The following MAF variants were observed in gnomAD, a reference collection of about 807,000 sequenced individuals.
MAF encodes the protein transcription factor Maf.
MAF carries 10 observed loss-of-function variants against 22.0 expected under a neutral mutation model. That is an observed-to-expected ratio of 0.45 (90% CI 0.28 to 0.77). The LOEUF is 0.77. Among genes scored for constraint, MAF ranks in the 30% least tolerant of loss-of-function variants. The probability of loss-of-function intolerance (pLI) is 0.12; values close to 1 mark genes in which losing one functional copy is unlikely to be tolerated. For synonymous variants in MAF, 337 were observed against 255.8 expected (o/e 1.32, Z -3.03); for missense variants, 544 against 548.4 (o/e 0.99, Z 0.08).
the MAF span, among the ~76,000 whole-genome samples, chr16:79,355,436 T>C: frequency 2.0e-5 from 3 of 152,166 alleles, no homozygotes; most frequent in Admixed American, 6.5e-5. Context: ...GAGAAGTGGC[T>C]CTGAGGTCCT....
chr16:79,558,249 G>A, the MAF span, among the ~76,000 whole-genome samples: 3 of 152,006 alleles, frequency 2.0e-5, no homozygotes, highest in Admixed American at 1.3e-4. Context: ...CTTGAGCTAT[G>A]CCATGTTGAA....
the MAF span, among the ~76,000 whole-genome samples, chr16:79,525,616 A>G: frequency 6.6e-6 from 1 of 152,190 alleles, no homozygotes; most frequent in Admixed American, 6.5e-5. Context: ...TACGCTGCGT[A>G]CTTTTTATTG....
the MAF span, among the ~76,000 whole-genome samples, chr16:79,263,719 C>T: frequency 1.3e-5 from 2 of 148,642 alleles, no homozygotes; most frequent in Admixed American, 1.3e-4. Context: ...CCTTACTTTC[C>T]CTGGTAATTA....
chr16:79,243,280 TA>T, the MAF span, among the ~76,000 whole-genome samples: 1 of 151,336 alleles, frequency 6.6e-6, no homozygotes, highest in African/African-American at 2.4e-5. Flanking sequence ...TTTTCTTTTT[TA>T]TTTTTTTATT....
chr16:79,294,230 A>ACTTCCC, the MAF span, among the ~76,000 whole-genome samples: 6 of 152,206 alleles, frequency 3.9e-5, no homozygotes, highest in African/African-American at 1.4e-4. Context: ...CCTTCCCATG[A>ACTTCCC]ACTTTTCTTG....
the MAF span, among the ~76,000 whole-genome samples, chr16:79,493,171 TTTTG>T: frequency 3.7e-3 from 556 of 152,024 alleles, 5 homozygotes; most frequent in African/African-American, 0.011. Context: ...TTGTTTTGTT[TTTTG>T]TTTGTTTTTT....
chr16:79,234,767 C>T, the MAF span, among the ~76,000 whole-genome samples: 2 of 152,110 alleles, frequency 1.3e-5, no homozygotes, highest in Non-Finnish European at 2.9e-5. Flanking sequence ...TGGGGAGTGG[C>T]TCCCCTAAGC....
chr16:79,313,217 G>A, the MAF span, among the ~76,000 whole-genome samples: 2 of 152,032 alleles, frequency 1.3e-5, no homozygotes, highest in Admixed American at 6.5e-5. Flanking sequence ...GTAAATGAAC[G>A]CTAACAAAAA....
At chr16:79,273,305 A>T in the MAF span, among the ~76,000 whole-genome samples, 1 of 152,298 alleles carries the variant, frequency 6.6e-6, no homozygotes, top group African/African-American at 2.4e-5. Flanking sequence ...GCAGGGAAAG[A>T]GAAGTTCCAT....
chr16:79,484,727 G>A, the MAF span, among the ~76,000 whole-genome samples: 17 of 152,228 alleles, frequency 1.1e-4, no homozygotes, highest in Non-Finnish European at 2.5e-4. Context: ...GCCTGCTGGT[G>A]ATGATACTCC....
the MAF span, among the ~76,000 whole-genome samples, chr16:79,252,298 T>C: frequency 6.6e-6 from 1 of 151,018 alleles, no homozygotes; most frequent in Non-Finnish European, 1.5e-5. Context: ...TATTTATTTA[T>C]AAATAAACTT....
the MAF span, among the ~76,000 whole-genome samples, chr16:79,471,288 T>C: frequency 0.88 from 134,357 of 152,272 alleles, 59,341 homozygotes; most frequent in East Asian, 0.97. Context: ...TAAGCAGTCA[T>C]GAAGAGCACG....
chr16:79,356,015 C>T, the MAF span, among the ~76,000 whole-genome samples: 1 of 152,134 alleles, frequency 6.6e-6, no homozygotes, highest in Non-Finnish European at 1.5e-5. Context: ...AGAGCCTCCT[C>T]TTCCTACACA....
intron 1 of MAF, 44 bp from the exon 2 acceptor site, chr16:79,594,597 A>G (rs1015617438): frequency 4.9e-5 from 76 of 1,551,202 alleles, no homozygotes; most frequent in Non-Finnish European, 5.8e-5. Context: ...TTAGACAAAG[A>G]TCAAACGCAG....
At chr16:79,247,983 T>C in the MAF span, among the ~76,000 whole-genome samples, 1 of 150,614 alleles carries the variant, frequency 6.6e-6, no homozygotes, top group Non-Finnish European at 1.5e-5. Flanking sequence ...TACTTCTTAC[T>C]TTACCCACCC....
At chr16:79,459,951 G>A in the MAF span, among the ~76,000 whole-genome samples, 1 of 152,126 alleles carries the variant, frequency 6.6e-6, no homozygotes, top group Non-Finnish European at 1.5e-5. Flanking sequence ...TTAAAATCAA[G>A]GAAGCGTATT....
chr16:79,442,352 C>G, the MAF span, among the ~76,000 whole-genome samples: 1 of 151,724 alleles, frequency 6.6e-6, no homozygotes, highest in African/African-American at 2.4e-5. Context: ...CACAGAATAT[C>G]CTTTTATTTT....
At chr16:79,404,164 C>CTTTT in the MAF span, among the ~76,000 whole-genome samples, 468 of 122,054 alleles carry the variant, frequency 3.8e-3, 9 homozygotes, top group African/African-American at 0.013. Context: ...TCTGGATTTT[C>CTTTT]TTTTTTTTTT....
the MAF span, among the ~76,000 whole-genome samples, chr16:79,506,477 A>T: frequency 2.0e-5 from 3 of 152,170 alleles, no homozygotes; most frequent in African/African-American, 7.2e-5. Context: ...CAGCACCCAT[A>T]AAGGGTGAGG....
Sources: gnomAD v4.1 joint callset for allele counts (sites outside exome capture counted in the v4.1 genomes callset) on GRCh38, gnomAD v4.1.1 for gene constraint, MANE v1.5 for transcripts, NCBI Gene and HGNC (gene_info 2026-07-23, HGNC 2026-07-21) for gene names.